The following CDC14A variants were observed in gnomAD, a reference collection of about 807,000 sequenced individuals.
The protein encoded by CDC14A is dual specificity protein phosphatase CDC14A.
In CDC14A, 53 loss-of-function variants were observed where a neutral mutation model predicts 74.4. The observed-to-expected ratio is 0.71, with a 90% CI of 0.57 to 0.89. CDC14A has a LOEUF of 0.89. Ranked by LOEUF, CDC14A falls within the 40% of genes least tolerant of loss-of-function variation. CDC14A has a pLI of 0.00. For synonymous variants in CDC14A, 247 were observed against 258.4 expected (o/e 0.96, Z 0.43); for missense variants, 646 against 713.7 (o/e 0.91, Z 1.08).
chr1:100,424,613 A>G (rs920661976), intron 5 of CDC14A, among the ~76,000 whole-genome samples: 3 of 152,166 alleles, frequency 2.0e-5, no homozygotes, highest in Non-Finnish European at 4.4e-5. Context: ...GATTTCAGTA[A>G]TCTACATCAT....
At position 100,442,998 on chromosome 1, in the gene CDC14A, T is replaced by C. The variant is rs1665138206; in HGVS notation, c.519+2T>C. On this transcript the variant is annotated splice_donor_variant, in intron 7 of 15. Coordinates refer to ENST00000336454, the MANE Select transcript of CDC14A (RefSeq NM_003672.4). LOFTEE classifies it high-confidence loss of function. ...GTGGATGAATATGAACATTATGAGG[T>C]TTGTACATTTAATTTTTTTTACAAA... 6.4e-7 allele frequency: 1 copy of C among 1,567,778 alleles called. No homozygotes were observed.
In CDC14A at chr1:100,423,891, G is replaced by A. The variant is rs1431104808; in HGVS notation, c.310-331G>A. ...TCAGGTCTTCGATGAAGGTCAGGGA[G>A]GTGTGCGTTGGTCTTTGGTGAGCAC... is the stretch of plus-strand genomic sequence containing the variant. On this transcript the variant is annotated intron_variant, in intron 4 of 15. Coordinates refer to ENST00000336454, the MANE Select transcript of CDC14A (RefSeq NM_003672.4). The A allele has an allele frequency of 1.8e-5, 4 of 220,592 alleles. No individual in the cohort carries two copies. The East Asian group carries it at 3.6e-4, about 20-fold the overall frequency. 13.7% of individuals were successfully genotyped at this position (220,592 alleles called of 1,614,324 possible). A position where few individuals can be genotyped will look rare whatever the true frequency, so the allele number is the denominator to read the frequency against.
intron 10 of CDC14A, among the ~76,000 whole-genome samples, chr1:100,471,489 AT>A (rs1042018773): frequency 6.6e-6 from 1 of 152,048 alleles, no homozygotes; most frequent in African/African-American, 2.4e-5. Context: ...AAACCGAAGA[AT>A]TTTTTTTATT....
At chr1:100,452,202 A>G (rs1455760188) in intron 7 of CDC14A, among the ~76,000 whole-genome samples, 1 of 152,204 alleles carries the variant, frequency 6.6e-6, no homozygotes, top group African/African-American at 2.4e-5. Context: ...TAGAGTCACA[A>G]ATGCATTTCT....
Position 100,495,982 on chromosome 1 carries a change from T to G in CDC14A, c.1251-20T>G, listed in dbSNP as rs778485120. 6.2e-7 allele frequency: 1 copy of G among 1,611,984 alleles called. No individual in the cohort carries two copies. Reference sequence around the variant, plus strand: ...CGTGTGCCCTGGTGATATGTGAGCATCTGTCTTTGATTTCCGCAGGTCAGA... The same window carrying G: ...CGTGTGCCCTGGTGATATGTGAGCAGCTGTCTTTGATTTCCGCAGGTCAGA... On this transcript the variant is annotated intron_variant, in intron 12 of 15. Coordinates refer to ENST00000336454, the MANE Select transcript of CDC14A (RefSeq NM_003672.4).
chr1:100,397,912 C>T (rs17122392), intron 4 of CDC14A, among the ~76,000 whole-genome samples: 2 of 152,086 alleles, frequency 1.3e-5, no homozygotes, highest in African/African-American at 4.8e-5. Context: ...TTGTAGACTA[C>T]ACTTAAGACC....
intron 2 of CDC14A, among the ~76,000 whole-genome samples, chr1:100,367,528 A>G (rs1362402281): frequency 6.6e-6 from 1 of 152,160 alleles, no homozygotes; most frequent in Non-Finnish European, 1.5e-5. Flanking sequence ...ATAGTAAGCT[A>G]GAAAACTATA....
intron 4 of CDC14A, among the ~76,000 whole-genome samples, chr1:100,409,520 T>G: frequency 6.6e-6 from 1 of 152,228 alleles, no homozygotes; most frequent in East Asian, 1.9e-4. Context: ...CAATAGCAAG[T>G]TAGTTACTTC....
intron 4 of CDC14A, among the ~76,000 whole-genome samples, chr1:100,411,695 C>T (rs1286906454): frequency 6.6e-6 from 1 of 152,146 alleles, no homozygotes; most frequent in Non-Finnish European, 1.5e-5. Flanking sequence ...TTCATTTGTT[C>T]ATTCTTTCAT....
chr1:100,368,682 T>C (rs1486081808), intron 2 of CDC14A, among the ~76,000 whole-genome samples: 1 of 152,234 alleles, frequency 6.6e-6, no homozygotes, highest in Non-Finnish European at 1.5e-5. Context: ...TAAATGATCC[T>C]GTCACCCAGG....
At chr1:100,377,454 T>A (rs1655430610) in intron 2 of CDC14A, 92 bp from the exon 3 acceptor site, 2 of 828,444 alleles carry the variant, frequency 2.4e-6, no homozygotes, top group East Asian at 5.1e-5. Flanking sequence ...GAAATTTGAT[T>A]GTAAATTTAA....
In CDC14A at chr1:100,419,274, GGA is replaced by G. The variant is rs1661954089; in HGVS notation, c.310-4944_310-4943del. ...TGACTTGATGTGGCTATCACGTGAT[GGA>G]GAGGCCAAGGTCAAAGATGACTTTT... On this transcript the variant is annotated intron_variant, in intron 4 of 15. Coordinates refer to ENST00000336454, the MANE Select transcript of CDC14A (RefSeq NM_003672.4). Among the ~76,000 whole-genome samples, 5 of 152,310 alleles carry G rather than the reference GGA, an allele frequency of 3.3e-5. No individual in the cohort carries two copies. In the South Asian group the frequency reaches 1.0e-3, roughly 32 times the overall value.
chr1:100,470,566 G>A (rs1400402580), intron 10 of CDC14A, among the ~76,000 whole-genome samples: 3 of 152,028 alleles, frequency 2.0e-5, no homozygotes, highest in African/African-American at 7.2e-5. Flanking sequence ...AAGACACACA[G>A]TATATATATC....
intron 4 of CDC14A, among the ~76,000 whole-genome samples, chr1:100,409,910 A>G (rs1434280065): frequency 1.3e-5 from 2 of 152,214 alleles, no homozygotes; most frequent in African/African-American, 4.8e-5. Context: ...CCCTTCAAAA[A>G]TGTCTGAAAT....
chr1:100,349,975 C>CA (rs1650784589), upstream of CDC14A, among the ~76,000 whole-genome samples: 1 of 25,312 alleles, frequency 4.0e-5, no homozygotes, highest in Admixed American at 3.8e-4. Flanking sequence ...TTTTTTGAAA[C>CA]ATAGTTTTGC....
chr1:100,348,088 C>G (rs1650583669), upstream of CDC14A, among the ~76,000 whole-genome samples: 1 of 152,036 alleles, frequency 6.6e-6, no homozygotes, highest in Non-Finnish European at 1.5e-5. Flanking sequence ...TCGAGACCAT[C>G]CTGGCCAATA....
intron 10 of CDC14A, among the ~76,000 whole-genome samples, chr1:100,475,744 T>C (rs1022587495): frequency 6.6e-6 from 1 of 152,086 alleles, no homozygotes; most frequent in Admixed American, 6.6e-5. Context: ...CTGAAGGGTG[T>C]TGGTGAAAGT....
chr1:100,377,331 C>T (rs943012344), intron 2 of CDC14A, among the ~76,000 whole-genome samples: 2 of 152,136 alleles, frequency 1.3e-5, no homozygotes, highest in Admixed American at 6.5e-5. Context: ...TAAGCCACCG[C>T]GCCCGGCCAC....
chr1:100,505,237 G>T (rs1253524783), intron 15 of CDC14A, among the ~76,000 whole-genome samples: 1 of 152,144 alleles, frequency 6.6e-6, no homozygotes. Flanking sequence ...GTTGAAGTTG[G>T]CTTAAATGTA....
Sources: allele counts gnomAD v4.1 joint callset (sites outside exome capture counted in the v4.1 genomes callset), GRCh38; gene constraint gnomAD v4.1.1; transcripts MANE v1.5; gene names NCBI Gene and HGNC (gene_info 2026-07-23, HGNC 2026-07-21).